The following TMEM131L variants were observed in gnomAD, a reference collection of about 807,000 sequenced individuals.
TMEM131L encodes transmembrane protein 131-like.
A neutral mutation model predicts 192.2 loss-of-function variants in TMEM131L; 54 were observed. The observed-to-expected ratio is 0.28, with a 90% confidence interval of 0.23 to 0.35. The LOEUF is 0.35. TMEM131L is among the 10% of genes least tolerant of loss of function. TMEM131L has a pLI of 1.00. For synonymous variants in TMEM131L, 701 were observed against 704.9 expected (o/e 0.99, Z 0.09); for missense variants, 1,888 against 1,972.9 (o/e 0.96, Z 0.82).
chr4:153,524,966 T>G (rs997126694), intron 3 of TMEM131L, among the ~76,000 whole-genome samples: 2 of 152,188 alleles, frequency 1.3e-5, no homozygotes, highest in African/African-American at 4.8e-5. Flanking sequence ...CTAGGAATGT[T>G]CCATGGAGGT....
chr4:153,563,642 A>AT (rs750671929), intron 7 of TMEM131L, among the ~76,000 whole-genome samples: 18 of 151,138 alleles, frequency 1.2e-4, no homozygotes, highest in East Asian at 3.9e-4. Flanking sequence ...TAATTTTTGT[A>AT]TTTTTTGTAG....
At chr4:153,562,074 A>G (rs1322333596) in intron 7 of TMEM131L, among the ~76,000 whole-genome samples, 3 of 148,762 alleles carry the variant, frequency 2.0e-5, no homozygotes, top group South Asian at 2.1e-4. Flanking sequence ...GTCTTGCTCT[A>G]TTGCCTAGGC....
chr4:153,636,216 T>G, intron 34 of TMEM131L, 85 bp from the exon 35 acceptor site: 1 of 1,252,676 alleles, frequency 8.0e-7, no homozygotes, highest in Non-Finnish European at 1.1e-6. Flanking sequence ...CTTGATAGCA[T>G]TGTAGTATTC....
chr4:153,602,091 A>G (rs1270081867), intron 21 of TMEM131L, 61 bp from the exon 22 acceptor site: 1 of 1,020,338 alleles, frequency 9.8e-7, no homozygotes, highest in Admixed American at 3.1e-5. Flanking sequence ...GATCCAATAA[A>G]TTATTTTAAA....
At chr4:153,622,516 A>G (rs1476947706) in intron 28 of TMEM131L, among the ~76,000 whole-genome samples, 1 of 152,194 alleles carries the variant, frequency 6.6e-6, no homozygotes, top group Non-Finnish European at 1.5e-5. Context: ...ATGTATCAAT[A>G]TTTTGAAACT....
chr4:153,481,429 A>G (rs1168959464), intron 3 of TMEM131L, among the ~76,000 whole-genome samples: 1 of 152,188 alleles, frequency 6.6e-6, no homozygotes, highest in African/African-American at 2.4e-5. Context: ...AAGCTTTTAC[A>G]TTGATTACTT....
chr4:153,613,664 T>C (rs1214807041), intron 26 of TMEM131L, among the ~76,000 whole-genome samples: 2 of 152,194 alleles, frequency 1.3e-5, no homozygotes, highest in East Asian at 1.9e-4. Context: ...AGTTAAAAAT[T>C]ATATATATTC....
chr4:153,565,785 TATG>T (rs1175327402), intron 7 of TMEM131L, among the ~76,000 whole-genome samples: 10 of 152,362 alleles, frequency 6.6e-5, no homozygotes, highest in East Asian at 5.8e-4. Flanking sequence ...GAATTATAAT[TATG>T]ATACCTATTT....
chr4:153,587,636 A>C, intron 14 of TMEM131L, 106 bp from the exon 15 acceptor site: 1 of 815,010 alleles, frequency 1.2e-6, no homozygotes, highest in Non-Finnish European at 2.1e-6. Flanking sequence ...GGTTAAAGGG[A>C]AGTTCACTGA....
rs1443193649 is a variant in TMEM131L, at chr4:153,627,587, T to C, written c.4125-18T>C. ...GCAGAAAAAATGAGTCGTTCCTCCTTTGCCCTCTTCCCCACAGGACCGTGA... is the reference window on the plus strand; with the variant it reads ...GCAGAAAAAATGAGTCGTTCCTCCTCTGCCCTCTTCCCCACAGGACCGTGA... On this transcript the variant is annotated intron_variant, in intron 30 of 34. Transcript: ENST00000409959. 13 of 1,605,790 alleles carry C rather than the reference T, an allele frequency of 8.1e-6. No homozygotes were observed. The highest frequency in any genetic ancestry group is 2.2e-5 in the East Asian group (1 of 44,824).
At chr4:153,521,587 T>C (rs1053139022) in intron 3 of TMEM131L, among the ~76,000 whole-genome samples, 3 of 152,190 alleles carry the variant, frequency 2.0e-5, no homozygotes, top group Admixed American at 2.0e-4. Flanking sequence ...GCGTTAAGTA[T>C]ACCCATGTTA....
chr4:153,504,798 A>G (rs1171751984), intron 3 of TMEM131L, among the ~76,000 whole-genome samples: 1 of 152,246 alleles, frequency 6.6e-6, no homozygotes, highest in Non-Finnish European at 1.5e-5. Context: ...GAGAAGCAGA[A>G]TCCTTGACAT....
At chr4:153,590,582 A>T (rs1231968825) in intron 16 of TMEM131L, among the ~76,000 whole-genome samples, 3 of 152,240 alleles carry the variant, frequency 2.0e-5, no homozygotes, top group Non-Finnish European at 4.4e-5. Flanking sequence ...GTATCTATTG[A>T]TAATCCTTGC....
Position 153,636,420 on chromosome 4 carries a change from G to A in TMEM131L, c.4677G>A (p.Ser1559=), listed in dbSNP as rs747552895. ...CCPINPTTEH[S]THMENQAVVC... is the part of the protein sequence containing the mutation. ...CCATCAACCCCACCACGGAACATTC[G>A]ACCCACATGGAAAACCAAGCGGTCG... Residue 1559 remains serine (S), a synonymous_variant, in exon 35 of 35, where the codon TCG becomes TCA. Transcript: ENST00000409959. 3.1e-6 allele frequency: 5 copies of A among 1,613,964 alleles called. No homozygotes were observed. The highest frequency in any genetic ancestry group is 1.3e-5 in the African/African-American group (1 of 74,882).
At chr4:153,469,618 T>C (rs924017104) in intron 2 of TMEM131L, among the ~76,000 whole-genome samples, 2 of 152,112 alleles carry the variant, frequency 1.3e-5, no homozygotes, top group Non-Finnish European at 2.9e-5. Flanking sequence ...ATAGGAACTT[T>C]AGAGGATGTG....
intron 3 of TMEM131L, among the ~76,000 whole-genome samples, 184 bp downstream of exon 3, chr4:153,474,072 G>A (rs1465724981): frequency 3.3e-5 from 5 of 152,070 alleles, no homozygotes; most frequent in Non-Finnish European, 4.4e-5. Context: ...TTAAAATAAG[G>A]TTGTTTAGAA....
At position 153,560,219 on chromosome 4, in the gene TMEM131L, G is replaced by A. The variant is rs560186831; in HGVS notation, c.660+1851G>A. Among the ~76,000 whole-genome samples the A allele has an allele frequency of 4.6e-5, 7 of 152,212 alleles. No individual in the cohort carries two copies. In the South Asian group the frequency reaches 1.5e-3, roughly 32 times the overall value. On this transcript the variant is annotated intron_variant, in intron 7 of 34. Coordinates refer to ENST00000409959, the MANE Select transcript of TMEM131L (RefSeq NM_001131007.2). Reference sequence around the variant, plus strand: ...TATTCTTTTCATCACCCATGGAATGGAAGCTCCATGAGAACAGGGACCATC... The same window carrying A: ...TATTCTTTTCATCACCCATGGAATGAAAGCTCCATGAGAACAGGGACCATC...
rs566233360 is a variant in TMEM131L at position 153,479,870 on chromosome 4, C to A, written c.239+5982C>A. Among the ~76,000 whole-genome samples the A allele has an allele frequency of 6.6e-5, 10 of 152,280 alleles. No homozygotes were observed. In the South Asian group the frequency reaches 2.1e-3, roughly 32 times the overall value. On this transcript the variant is annotated intron_variant, in intron 3 of 34. Transcript: ENST00000409959. Reference sequence around the variant, plus strand: ...TTTTGGCAGTGAAACATTTCAGAGCCCCCACAGGGAGTGGAACTACTTCTC... The same window carrying A: ...TTTTGGCAGTGAAACATTTCAGAGCACCCACAGGGAGTGGAACTACTTCTC...
chr4:153,512,940 G>A (rs995713150), intron 3 of TMEM131L, among the ~76,000 whole-genome samples: 30 of 152,208 alleles, frequency 2.0e-4, no homozygotes, highest in African/African-American at 5.8e-4. Flanking sequence ...TATTTTACAT[G>A]TGCAGGCTAT....
Sources: gnomAD v4.1 joint callset for allele counts (sites outside exome capture counted in the v4.1 genomes callset) on GRCh38, gnomAD v4.1.1 for gene constraint, MANE v1.5 for transcripts, NCBI Gene and HGNC (gene_info 2026-07-23, HGNC 2026-07-21) for gene names.